Variants in EME1 observed in about 807,000 individuals in gnomAD.
The protein encoded by EME1 is structure-specific endonuclease subunit EME1.
EME1 carries 61 observed loss-of-function variants against 59.1 expected under a neutral mutation model. The observed-to-expected ratio is 1.03, with a 90% CI of 0.84 to 1.28. EME1 has a LOEUF of 1.28. EME1 is among the 50% of genes most tolerant of loss of function. The pLI is 0.00. For synonymous variants in EME1, 230 were observed against 254.2 expected, an observed-to-expected ratio of 0.90 and a Z score of 0.90; for missense variants, 635 against 682.6, an observed-to-expected ratio of 0.93 and a Z score of 0.78.
chr17:50,374,214 C>A (rs181936265), intron 1 of EME1, among the ~76,000 whole-genome samples: 25 of 152,190 alleles, frequency 1.6e-4, no homozygotes, highest in Middle Eastern at 3.4e-3. Flanking sequence ...TTATGCTGTG[C>A]AAATTATATC....
Position 50,380,374 on chromosome 17 carries a change from A to AG in EME1, c.1411dup (p.Val471GlyfsTer51). On this transcript the variant is annotated frameshift_variant, in exon 8 of 9. Transcript: ENST00000338165. LOFTEE classifies it high-confidence loss of function. ...GAGAGTGACTGGGCTGGAGGGGTGA[A>AG]GGTGGACCTTGCTGGCAGGGGACTC... The AG allele has an allele frequency of 6.2e-7, 1 of 1,614,016 alleles. No individual in the cohort carries two copies. The highest frequency in any genetic ancestry group is 8.5e-7 in the Non-Finnish European group (1 of 1,179,928).
In EME1 at chr17:50,381,213, T is replaced by C. The variant is rs750669431; in HGVS notation, c.*274T>C. 29 of 432,490 alleles carry C rather than the reference T, an allele frequency of 6.7e-5. No individual in the cohort carries two copies. The highest frequency in any genetic ancestry group is 1.2e-4 in the Non-Finnish European group (28 of 238,840). 26.8% of individuals were successfully genotyped at this position (432,490 alleles called of 1,614,324 possible). A position where few individuals can be genotyped will look rare whatever the true frequency, so the allele number is the denominator to read the frequency against. ...ACCCCCACTCCTACCCAGCCAGCCC[T>C]CAAAACACAAAGGAACAAAGACAGT... On this transcript the variant is annotated 3_prime_UTR_variant, in exon 9 of 9. Transcript: ENST00000338165.
At position 50,375,671 on chromosome 17, in the gene EME1, G is replaced by A. The variant is rs755415747; in HGVS notation, c.463G>A (p.Ala155Thr). 2 of 1,614,008 alleles carry A rather than the reference G, an allele frequency of 1.2e-6. No individual in the cohort carries two copies. The highest frequency in any genetic ancestry group is 1.3e-5 in the African/African-American group (1 of 74,914). ...CCTCCATGATACCCCAGAGAGGAGT[G>A]CAGCAGATAACAAGGACCTGATCTT... ...VPLHDTPERS[A>T]ADNKDLILDP... The change falls in exon 2 of 9, where the codon GCA becomes ACA. Residue 155 changes from alanine (A) to threonine (T), a missense_variant. Coordinates refer to ENST00000338165, the MANE Select transcript of EME1 (RefSeq NM_152463.4).
In EME1 at chr17:50,376,145, G is replaced by A. The variant is rs759142847; in HGVS notation, c.855G>A (p.Gln285=). The A allele has an allele frequency of 1.2e-6, 2 of 1,614,054 alleles. No homozygotes were observed. Among genetic ancestry groups the A allele is most frequent in the African/African-American group, 1.3e-5 (1 of 75,046 alleles). ...AGTGCCGCTGTGTGATTGAGGCGCA[G>A]GCTGTGCCTTGCAGTGTCACTTGGA... ...TMECRCVIEA[Q]AVPCSVTWRR... is the part of the protein sequence containing the mutation. The change falls in exon 3 of 9, where the codon CAG becomes CAA. Residue 285 remains glutamine (Q), a synonymous_variant. Coordinates refer to ENST00000338165, the MANE Select transcript of EME1 (RefSeq NM_152463.4).
chr17:50,375,912 C>T lies in EME1; in HGVS notation c.704C>T (p.Ala235Val), dbSNP rs1913436776. 3.1e-6 allele frequency: 5 copies of T among 1,612,880 alleles called. No individual in the cohort carries two copies. The highest frequency in any genetic ancestry group is 2.2e-5 in the East Asian group (1 of 44,880). Residue 235 changes from alanine to valine, a missense_variant, in exon 2 of 9, where the codon GCA becomes GTA. Ala to Val is a moderately conservative substitution (Grantham distance 64). Coordinates refer to ENST00000338165, the MANE Select transcript of EME1 (RefSeq NM_152463.4). The stretch of plus-strand genomic sequence containing the variant: ...AGAAGACAGGAAAGAAAGAATGCAG[C>T]ACTGGTTACCAGGATGAAAGCCCAG... ...TLRRQERKNA[A>V]LVTRMKAQRP...
At chr17:50,375,041 T>C in intron 1 of EME1, 144 bp from the exon 2 acceptor site, 1 of 597,758 alleles carries the variant, frequency 1.7e-6, no homozygotes, top group Non-Finnish European at 2.8e-6. Flanking sequence ...GAGTTCCAGA[T>C]TGAATGTGTT....
At chr17:50,374,240 A>G (rs1160031263) in intron 1 of EME1, among the ~76,000 whole-genome samples, 1 of 151,954 alleles carries the variant, frequency 6.6e-6, no homozygotes, top group African/African-American at 2.4e-5. Context: ...TTTTATTTTT[A>G]TTTTATTTTT....
At chr17:50,373,748 C>T (rs1913282010) in intron 1 of EME1, among the ~76,000 whole-genome samples, 1 of 152,096 alleles carries the variant, frequency 6.6e-6, no homozygotes, top group Non-Finnish European at 1.5e-5. Context: ...GGTATATACA[C>T]GAAAGGGATT....
rs1204382077 is a variant in EME1 at position 50,378,671 on chromosome 17, A to T, written c.980A>T (p.Asn327Ile). ...GAGGCATTTGTGTCCATGATCGACA[A>T]TGGAAAGCAGGTGGGCAGAGCCAGA... ...RAEAFVSMIDNGKQGSLDSTM... is the reference protein window; with the variant it reads ...RAEAFVSMIDIGKQGSLDSTM... Residue 327 changes from asparagine (N) to isoleucine (I), a missense_variant, in exon 4 of 9, where the codon AAT becomes ATT. Physicochemically the swap from Asn to Ile is moderately radical, Grantham distance 149. Coordinates refer to ENST00000338165, the MANE Select transcript of EME1 (RefSeq NM_152463.4). 1 of 1,614,152 alleles carries T rather than the reference A, an allele frequency of 6.2e-7. No homozygotes were observed. Among genetic ancestry groups the T allele is most frequent in the East Asian group, 2.2e-5 (1 of 44,878 alleles).
In EME1 at chr17:50,380,928, A is replaced by G. The variant is rs568424837; in HGVS notation, c.1702A>G (p.Ser568Gly). 1 of 1,614,160 alleles carries G rather than the reference A, an allele frequency of 6.2e-7. No homozygotes were observed. Among genetic ancestry groups the G allele is most frequent in the Admixed American group, 1.7e-5 (1 of 60,034 alleles). The change falls in exon 9 of 9, where the codon AGT becomes GGT. Residue 568 changes from serine (S) to glycine (G), a missense_variant. Physicochemically the swap from Ser to Gly is moderately conservative, Grantham distance 56 (BLOSUM62 0). Transcript: ENST00000338165. ...TTTACAGCCACATCTCTCTTTAGAT[A>G]GTGCTGACTGATTCTAGCCCTCAGG... ...TTLQPHLSLD[S>G]AD
Position 50,380,982 on chromosome 17 carries a change from C to G in EME1, c.*43C>G. The G allele has an allele frequency of 6.2e-7, 1 of 1,604,892 alleles. No homozygotes were observed. The highest frequency in any genetic ancestry group is 8.5e-7 in the Non-Finnish European group (1 of 1,173,104). The stretch of plus-strand genomic sequence containing the variant: ...GAGGATGAAAAGCTGGAAACTTCCA[C>G]TTCCCCAACCTCAGAGCCTGACTGT... On this transcript the variant is annotated 3_prime_UTR_variant, in exon 9 of 9. Transcript: ENST00000338165.
At chr17:50,378,266 C>T (rs573834419) in intron 3 of EME1, among the ~76,000 whole-genome samples, 3 of 151,848 alleles carry the variant, frequency 2.0e-5, no homozygotes, top group Admixed American at 1.3e-4. Context: ...GGGGTTTTAC[C>T]GTGTTGGCCA....
rs778349747 is a variant in EME1 at position 50,378,763 on chromosome 17, C to T, written c.991-11C>T. 9 of 1,614,066 alleles carry T rather than the reference C, an allele frequency of 5.6e-6. No individual in the cohort carries two copies. The highest frequency in any genetic ancestry group is 7.6e-6 in the Non-Finnish European group (9 of 1,180,044). ...AGCAAGTATTAATGCAGTTTCTGCC[C>T]CTTCATGCAGGGAAGCCTGGACAGC... On this transcript the variant is annotated splice_polypyrimidine_tract_variant and intron_variant, in intron 4 of 8. Transcript: ENST00000338165.
Position 50,378,678 on chromosome 17 carries a change from G to C in EME1, c.987G>C (p.Lys329Asn). Reference protein sequence around the residue: ...EAFVSMIDNGKQGSLDSTMKG... With the variant: ...EAFVSMIDNGNQGSLDSTMKG... ...TTGTGTCCATGATCGACAATGGAAA[G>C]CAGGTGGGCAGAGCCAGAGGGTGGG... Residue 329 changes from lysine (K) to asparagine (N), a missense_variant, in exon 4 of 9, where the codon AAG (lysine) becomes AAC (asparagine). By Grantham distance (94) the Lys-to-Asn change is moderately conservative (BLOSUM62 0). Coordinates refer to ENST00000338165, the MANE Select transcript of EME1 (RefSeq NM_152463.4). 1 of 1,614,182 alleles carries C rather than the reference G, an allele frequency of 6.2e-7. No homozygotes were observed. The highest frequency in any genetic ancestry group is 2.2e-5 in the East Asian group (1 of 44,882).
At chr17:50,380,631 A>G (rs1750671794) in intron 8 of EME1, 130 bp downstream of exon 8, 1 of 1,527,142 alleles carries the variant, frequency 6.5e-7, no homozygotes, top group Non-Finnish European at 8.9e-7. Context: ...TACTAAGATC[A>G]GTGTTGCTAA....
At chr17:50,379,634 A>G in intron 7 of EME1, 67 bp downstream of exon 7, 1 of 1,384,544 alleles carries the variant, frequency 7.2e-7, no homozygotes, top group Non-Finnish European at 1.0e-6. Context: ...TTGCAGTCAA[A>G]GCAAATGTCC....
Position 50,378,893 on chromosome 17 carries a change from C to T in EME1, c.1110C>T (p.Phe370=), listed in dbSNP as rs201617846. 19 of 1,614,180 alleles carry T rather than the reference C, an allele frequency of 1.2e-5. No homozygotes were observed. Among genetic ancestry groups the T allele is most frequent in the Non-Finnish European group, 1.6e-5 (19 of 1,180,048 alleles). ...TGATTGTGGATCAGGAGAAATGCTT[C>T]AGGTTTGGATTTGCCCTGGTGATTT... ...SLVIVDQEKC[F]SAQNPPRRGK... is the part of the protein sequence containing the mutation. Residue 370 remains phenylalanine, a splice_region_variant and synonymous_variant, in exon 5 of 9, where the codon TTC becomes TTT. Coordinates refer to ENST00000338165, the MANE Select transcript of EME1 (RefSeq NM_152463.4).
Position 50,380,867 on chromosome 17 carries a change from A to C in EME1, c.1641A>C (p.Pro547=). ...CATCCACTTCTCGCCGCATTGGACC[A>C]GAACTATCCAGGCGTATCTACCTTC... ...GVTSTSRRIG[P]ELSRRIYLQM... The change falls in exon 9 of 9, where the codon CCA becomes CCC. Residue 547 remains proline (P), a synonymous_variant. Coordinates refer to ENST00000338165, the MANE Select transcript of EME1 (RefSeq NM_152463.4). 1 of 1,614,194 alleles carries C rather than the reference A, an allele frequency of 6.2e-7. No homozygotes were observed. The highest frequency in any genetic ancestry group is 1.1e-5 in the South Asian group (1 of 91,086).
At chr17:50,380,189 G>A (rs772519614) in intron 7 of EME1, 123 bp from the exon 8 acceptor site, 3 of 973,992 alleles carry the variant, frequency 3.1e-6, no homozygotes, top group Non-Finnish European at 4.5e-6. Context: ...GCACAAAAAG[G>A]CCAGATGTAA....
Sources: gnomAD v4.1 joint callset for allele counts (sites outside exome capture counted in the v4.1 genomes callset) on GRCh38, gnomAD v4.1.1 for gene constraint, MANE v1.5 for transcripts, NCBI Gene and HGNC (gene_info 2026-07-23, HGNC 2026-07-21) for gene names.